GATAD2A: variants seen among roughly 807,000 people sequenced by gnomAD.
GATAD2A encodes the protein GATA zinc finger domain containing 2A, also known as transcriptional repressor p66-alpha.
Under a neutral mutation model 68.5 loss-of-function variants are expected in GATAD2A, and 12 were observed. The ratio of observed to expected loss-of-function variants is 0.18; its 90% CI spans 0.11 to 0.28. The LOEUF is 0.28. Ranked by LOEUF, GATAD2A falls within the 10% of genes least tolerant of loss-of-function variation. GATAD2A has a pLI of 1.00. For missense variants in GATAD2A, 755 were observed against 868.5 expected (o/e 0.87, Z 1.64); for synonymous variants, 410 against 375.3 (o/e 1.09, Z -1.07).
chr19:19,457,230 G>A (rs1344978471), intron 1 of GATAD2A: 1 of 985,346 alleles, frequency 1.0e-6, no homozygotes. Flanking sequence ...CTGTTATCTG[G>A]TGAGTGATTG....
intron 1 of GATAD2A, among the ~76,000 whole-genome samples, chr19:19,463,286 T>G (rs1231879419): frequency 6.6e-6 from 1 of 152,100 alleles, no homozygotes; most frequent in African/African-American, 2.4e-5. Context: ...TTATCTGTGG[T>G]CTCATGGGAG....
At chr19:19,451,080 C>T (rs2056336226) in intron 1 of GATAD2A, among the ~76,000 whole-genome samples, 1 of 151,152 alleles carries the variant, frequency 6.6e-6, no homozygotes, top group Non-Finnish European at 1.5e-5. Context: ...GAGATTCAAA[C>T]TTTTAAAAAG....
At chr19:19,440,710 A>G (rs1192583845) in intron 1 of GATAD2A, among the ~76,000 whole-genome samples, 2 of 152,222 alleles carry the variant, frequency 1.3e-5, no homozygotes, top group Admixed American at 6.5e-5. Context: ...AAGTGGTGGC[A>G]GTGGAAGGGG....
At chr19:19,435,162 C>G (rs369055648) in intron 1 of GATAD2A, 3 of 530,356 alleles carry the variant, frequency 5.7e-6, no homozygotes, top group Non-Finnish European at 1.2e-5. Flanking sequence ...CTTGGGGATT[C>G]AGAGATGCTG....
chr19:19,412,656 C>G (rs2051108298), intron 1 of GATAD2A, among the ~76,000 whole-genome samples: 2 of 151,966 alleles, frequency 1.3e-5, no homozygotes, highest in South Asian at 4.2e-4. Context: ...AAGGTCTGAT[C>G]AGATTATCTG....
intron 1 of GATAD2A, among the ~76,000 whole-genome samples, chr19:19,455,255 C>T (rs1386405345): frequency 1.3e-5 from 2 of 151,712 alleles, no homozygotes; most frequent in Admixed American, 6.6e-5. Flanking sequence ...TTTGGGAAGC[C>T]GAGGCAGGTG....
intron 2 of GATAD2A, among the ~76,000 whole-genome samples, chr19:19,467,146 C>T (rs1280509126): frequency 1.3e-5 from 2 of 152,142 alleles, no homozygotes; most frequent in East Asian, 3.8e-4. Context: ...GGGGCCGAGG[C>T]GGGTGGATCA....
At chr19:19,486,870 C>T (rs1416998914) in intron 2 of GATAD2A, among the ~76,000 whole-genome samples, 1 of 152,208 alleles carries the variant, frequency 6.6e-6, no homozygotes, top group Admixed American at 6.5e-5. Flanking sequence ...CATGCAGGAG[C>T]CATGGAGAGG....
At chr19:19,499,620 C>T (rs1280671557) in intron 8 of GATAD2A, among the ~76,000 whole-genome samples, 1 of 152,136 alleles carries the variant, frequency 6.6e-6, no homozygotes, top group African/African-American at 2.4e-5. Flanking sequence ...GATGCTCTCC[C>T]CACTCTCTTA....
intron 1 of GATAD2A, among the ~76,000 whole-genome samples, chr19:19,397,206 T>G (rs2049322515): frequency 6.6e-6 from 1 of 152,142 alleles, no homozygotes; most frequent in South Asian, 2.1e-4. Context: ...TGTGCTATAG[T>G]AGGATCCAAG....
At chr19:19,502,265 G>T in intron 10 of GATAD2A, 66 bp from the exon 11 acceptor site, 1 of 1,276,990 alleles carries the variant, frequency 7.8e-7, no homozygotes, top group South Asian at 1.3e-5. Context: ...GAGAGGCTGC[G>T]CTGAGTGTCT....
At chr19:19,401,713 T>C (rs989360717), upstream of GATAD2A, among the ~76,000 whole-genome samples, 4 of 148,474 alleles carry the variant, frequency 2.7e-5, no homozygotes, top group Non-Finnish European at 5.9e-5. Flanking sequence ...GAACTTCAAA[T>C]AAATTTTCTG....
chr19:19,438,119 A>T (rs1191606331), intron 1 of GATAD2A, among the ~76,000 whole-genome samples: 1 of 152,170 alleles, frequency 6.6e-6, no homozygotes, highest in Non-Finnish European at 1.5e-5. Flanking sequence ...GAGAGTTGAG[A>T]CTTGTCAGAG....
intron 1 of GATAD2A, among the ~76,000 whole-genome samples, chr19:19,433,185 C>G (rs2053937071): frequency 6.6e-6 from 1 of 152,196 alleles, no homozygotes; most frequent in South Asian, 2.1e-4. Context: ...TTTCCTCCAC[C>G]ACCCCCCTGC....
At chr19:19,406,542 C>G (rs532321465) in intron 1 of GATAD2A, among the ~76,000 whole-genome samples, 1 of 152,118 alleles carries the variant, frequency 6.6e-6, no homozygotes, top group Admixed American at 6.5e-5. Context: ...TCCCCCAGCT[C>G]GCGCCCTTCC....
intron 1 of GATAD2A, among the ~76,000 whole-genome samples, chr19:19,431,292 C>T (rs954290621): frequency 2.7e-5 from 4 of 150,734 alleles, no homozygotes; most frequent in African/African-American, 9.8e-5. Flanking sequence ...GCTTGGTTTC[C>T]TCCTCTGTGA....
At chr19:19,458,039 T>C (rs1043113223) in intron 1 of GATAD2A, among the ~76,000 whole-genome samples, 2 of 152,156 alleles carry the variant, frequency 1.3e-5, no homozygotes, top group Non-Finnish European at 2.9e-5. Context: ...CTCAGGGAGC[T>C]CCTAGCCAGC....
rs749649464 is a variant in GATAD2A, at chr19:19,502,379, C to T, written c.1627C>T (p.Leu543=). 1.9e-6 allele frequency: 3 copies of T among 1,613,664 alleles called. No homozygotes were observed. The highest frequency in any genetic ancestry group is 4.5e-5 in the East Asian group (2 of 44,880). Residue 543 remains leucine (L), a synonymous_variant, in exon 11 of 12, where the codon CTG becomes TTG. Transcript: ENST00000683918. ...TTCGGCCACGACGCCCCGAGGTGTC[C>T]TGCACACGTTCAGTCCGTCACCCAA... The part of the protein sequence containing the change: ...RGSATTPRGV[L]HTFSPSPKLQ...
exon 1 of GATAD2A, chr19:19,385,944 C>G (rs1309459936): frequency 2.7e-5 from 4 of 148,270 alleles, no homozygotes; most frequent in Non-Finnish European, 4.5e-5. Context: ...CGCACCCCCG[C>G]CGCCCGAGCG....
Sources: gnomAD v4.1 joint callset for allele counts (sites outside exome capture counted in the v4.1 genomes callset) on GRCh38, gnomAD v4.1.1 for gene constraint, MANE v1.5 for transcripts, NCBI Gene and HGNC (gene_info 2026-07-23, HGNC 2026-07-21) for gene names.